Variants in KMT2C observed in about 807,000 individuals in gnomAD.
KMT2C encodes the protein lysine methyltransferase 2C.
Under a neutral mutation model 507.9 loss-of-function variants are expected in KMT2C, and 88 were observed. That is an observed-to-expected ratio of 0.17 (90% CI 0.15 to 0.21). The LOEUF is 0.21. KMT2C is among the 10% of genes least tolerant of loss of function. The probability of loss-of-function intolerance (pLI) is 1.00; values close to 1 mark genes in which losing one functional copy is unlikely to be tolerated. For synonymous variants in KMT2C, 2,049 were observed against 2,080.8 expected (o/e 0.98, Z 0.42); for missense variants, 4,954 against 5,957.8 (o/e 0.83, Z 5.55).
rs1250539951 is a variant in KMT2C, at chr7:152,180,048, C to G, written c.7228G>C (p.Asp2410His). 6.2e-7 allele frequency: 1 copy of G among 1,614,138 alleles called. No homozygotes were observed. Among genetic ancestry groups the G allele is most frequent in the East Asian group, 2.2e-5 (1 of 44,882 alleles). Residue 2410 changes from aspartate (D) to histidine (H), a missense_variant, in exon 37 of 59, where the codon GAC (aspartate) becomes CAC (histidine). By Grantham distance (81) the Asp-to-His change is moderately conservative. This residue lies in a region of KMT2C where 1,689 missense variants were observed against 1,654.3 expected (regional missense o/e 1.02). Transcript: ENST00000262189. ...CCTGGATGAGGCACTGCGGGTGAGT[C>G]CTGTGACCCCTTCTCCTGTCGACCT... ...IAGRQEKGSQ[D>H]SPAVPHPGPL...
chr7:152,222,033 A>G lies in KMT2C; in HGVS notation c.3467T>C (p.Val1156Ala), dbSNP rs2129146601. The change falls in exon 22 of 59, where the codon GTA becomes GCA. Residue 1156 changes from valine (V) to alanine (A), a missense_variant. By Grantham distance (64) the Val-to-Ala change is moderately conservative (BLOSUM62 0). This residue lies in a region of KMT2C where 176 missense variants were observed against 262.0 expected (regional missense o/e 0.67). Coordinates refer to ENST00000262189, the MANE Select transcript of KMT2C (RefSeq NM_170606.3). Reference protein sequence around the residue: ...PSSDCCESSLVAQIVTKVKEL... With the variant: ...PSSDCCESSLAAQIVTKVKEL... ...TTTTACTTTTGTGACAATTTGTGCTACAAGTGAAGATTCACAGCAGTCTGA... is the reference window on the plus strand; with the variant it reads ...TTTTACTTTTGTGACAATTTGTGCTGCAAGTGAAGATTCACAGCAGTCTGA... 2 of 1,605,954 alleles carry G rather than the reference A, an allele frequency of 1.2e-6. No homozygotes were observed. Among genetic ancestry groups the G allele is most frequent in the Middle Eastern group, 1.7e-4 (1 of 6,038 alleles).
chr7:152,374,333 A>ATAC (rs2097312621), intron 1 of KMT2C, among the ~76,000 whole-genome samples: 1 of 151,616 alleles, frequency 6.6e-6, no homozygotes, highest in Non-Finnish European at 1.5e-5. Context: ...AGTAATAATA[A>ATAC]TAATAATAAT....
chr7:152,215,688 T>TATATATATATATATATATATATACACAC (rs766518165), intron 23 of KMT2C, among the ~76,000 whole-genome samples: 3 of 134,432 alleles, frequency 2.2e-5, no homozygotes, highest in Admixed American at 7.3e-5. Context: ...TATATATATA[T>TATATATATATATATATATATATACACAC]ACACACACAC....
chr7:152,203,303 T>C (rs1388078454), intron 25 of KMT2C, among the ~76,000 whole-genome samples: 1 of 151,928 alleles, frequency 6.6e-6, no homozygotes, highest in Non-Finnish European at 1.5e-5. Flanking sequence ...AGCAAAAACG[T>C]ATTTATTTAA....
At chr7:152,326,287 T>C (rs971049289) in intron 3 of KMT2C, among the ~76,000 whole-genome samples, 1 of 152,198 alleles carries the variant, frequency 6.6e-6, no homozygotes, top group Admixed American at 6.5e-5. Context: ...AAGAATATCT[T>C]TAAAATACTG....
intron 9 of KMT2C, among the ~76,000 whole-genome samples, chr7:152,262,695 G>A (rs2095799978): frequency 6.6e-6 from 1 of 152,172 alleles, no homozygotes; most frequent in Non-Finnish European, 1.5e-5. Flanking sequence ...GACCAAAAAC[G>A]AGTATATAGT....
chr7:152,364,517 G>A (rs576704120), intron 1 of KMT2C, among the ~76,000 whole-genome samples: 157 of 151,758 alleles, frequency 1.0e-3, no homozygotes, highest in African/African-American at 3.5e-3. Context: ...GCTGAGGCAG[G>A]AGAATGGTGT....
intron 16 of KMT2C, 59 bp downstream of exon 16, chr7:152,235,758 A>C: frequency 8.7e-7 from 1 of 1,144,452 alleles, no homozygotes; most frequent in South Asian, 1.3e-5. Context: ...ACTTGCTATG[A>C]GATTTTCATC....
At chr7:152,153,955 T>C (rs1485290358) in intron 48 of KMT2C, 55 bp downstream of exon 48, 2 of 1,557,728 alleles carry the variant, frequency 1.3e-6, no homozygotes, top group Non-Finnish European at 1.8e-6. Context: ...ACCTGACCCA[T>C]CTTTGAAAAT....
intron 16 of KMT2C, 52 bp downstream of exon 16, chr7:152,235,765 C>G: frequency 8.3e-7 from 1 of 1,200,986 alleles, no homozygotes; most frequent in South Asian, 1.2e-5. Flanking sequence ...ATGAGATTTT[C>G]ATCATTAACT....
intron 15 of KMT2C, among the ~76,000 whole-genome samples, chr7:152,238,367 T>G (rs1321681080): frequency 2.0e-5 from 3 of 152,162 alleles, no homozygotes; most frequent in Non-Finnish European, 2.9e-5. Flanking sequence ...ACATAATAAA[T>G]TAATGGAGCT....
Position 152,177,488 on chromosome 7 carries a change from A to T in KMT2C, c.7965T>A (p.Gly2655=). The T allele has an allele frequency of 6.2e-7, 1 of 1,614,224 alleles. No individual in the cohort carries two copies. The highest frequency in any genetic ancestry group is 8.5e-7 in the Non-Finnish European group (1 of 1,180,042). Residue 2655 remains glycine, a synonymous_variant, in exon 38 of 59, where the codon GGT becomes GGA. Coordinates refer to ENST00000262189, the MANE Select transcript of KMT2C (RefSeq NM_170606.3). ...TTGACAAAGGAGCTTCTGAAAATTCACCACCTAGTGGATGGTTCAGAGTCC... is the reference window on the plus strand; with the variant it reads ...TTGACAAAGGAGCTTCTGAAAATTCTCCACCTAGTGGATGGTTCAGAGTCC... The part of the protein sequence containing the change: ...VMRTLNHPLG[G]EFSEAPLSTS...
intron 1 of KMT2C, chr7:152,367,058 A>C: frequency 1.5e-6 from 1 of 670,642 alleles, no homozygotes; most frequent in South Asian, 1.8e-5. Flanking sequence ...TTTCTTGAAG[A>C]AATCTGTAGT....
intron 8 of KMT2C, among the ~76,000 whole-genome samples, chr7:152,263,399 C>T (rs2095812274): frequency 6.6e-6 from 1 of 152,136 alleles, no homozygotes; most frequent in African/African-American, 2.4e-5. Context: ...GATGAATAGC[C>T]TCTGATCTTT....
rs2129114857 is a variant in KMT2C at position 152,177,465 on chromosome 7, G to A, written c.7988C>T (p.Ser2663Leu). 1 of 1,614,160 alleles carries A rather than the reference G, an allele frequency of 6.2e-7. No homozygotes were observed. The highest frequency in any genetic ancestry group is 2.2e-5 in the East Asian group (1 of 44,880). Residue 2663 changes from serine to leucine, a missense_variant, in exon 38 of 59, where the codon TCA becomes TTA. Ser to Leu is a moderately radical substitution (Grantham distance 145). Coordinates refer to ENST00000262189, the MANE Select transcript of KMT2C (RefSeq NM_170606.3). ...LGGEFSEAPL[S>L]TSVPSETTSD... ...CGTTGTTTCAGACGGTACAGATGTTGACAAAGGAGCTTCTGAAAATTCACC... is the reference window on the plus strand; with the variant it reads ...CGTTGTTTCAGACGGTACAGATGTTAACAAAGGAGCTTCTGAAAATTCACC...
chr7:152,422,559 G>A (rs543378693), intron 1 of KMT2C, among the ~76,000 whole-genome samples: 3 of 152,266 alleles, frequency 2.0e-5, no homozygotes, highest in South Asian at 4.1e-4. Flanking sequence ...ATCTGCCATC[G>A]CAAGAACTTC....
chr7:152,242,808 T>G (rs1588519246), intron 14 of KMT2C, among the ~76,000 whole-genome samples: 2 of 152,130 alleles, frequency 1.3e-5, no homozygotes, highest in East Asian at 3.9e-4. Context: ...GTACTATCAG[T>G]TTTAAAAGCA....
At chr7:152,178,972 GA>G (rs1287472388) in intron 37 of KMT2C, among the ~76,000 whole-genome samples, 1 of 152,040 alleles carries the variant, frequency 6.6e-6, no homozygotes, top group Non-Finnish European at 1.5e-5. Flanking sequence ...TTTCAGTTCG[GA>G]AATCTCTAAA....
At chr7:152,418,875 CTG>C (rs914189366) in intron 1 of KMT2C, among the ~76,000 whole-genome samples, 40 of 148,284 alleles carry the variant, frequency 2.7e-4, no homozygotes, top group African/African-American at 8.5e-4. Flanking sequence ...AAAAAAAAAA[CTG>C]TGTATATGAA....
Sources: gnomAD v4.1 joint callset for allele counts (sites outside exome capture counted in the v4.1 genomes callset) on GRCh38, gnomAD v4.1.1 for gene constraint, gnomAD v4.1.1 regional missense constraint, MANE v1.5 for transcripts, NCBI Gene and HGNC (gene_info 2026-07-23, HGNC 2026-07-21) for gene names.